CTNND2: variants seen among roughly 807,000 people sequenced by gnomAD.
CTNND2 encodes the protein catenin delta-2.
Under a neutral mutation model 144.4 loss-of-function variants are expected in CTNND2, and 22 were observed. That is an observed-to-expected ratio of 0.15 (90% CI 0.11 to 0.22). CTNND2 has a LOEUF of 0.22. Among genes scored for constraint, CTNND2 ranks in the 10% least tolerant of loss-of-function variants. The probability of loss-of-function intolerance (pLI) is 1.00; values close to 1 mark genes in which losing one functional copy is unlikely to be tolerated. For missense variants in CTNND2, 1,353 were observed against 1,618.8 expected (o/e 0.84, Z 2.82); for synonymous variants, 751 against 695.6 (o/e 1.08, Z -1.25).
chr5:11,017,075 C>A (rs1741686084), intron 18 of CTNND2, among the ~76,000 whole-genome samples: 2 of 152,040 alleles, frequency 1.3e-5, no homozygotes, highest in African/African-American at 4.8e-5. Flanking sequence ...CTGCACATGG[C>A]CTTCTACCCC....
rs1561068323 is a variant in CTNND2, at chr5:11,236,874, ACT to A, written c.1629-53_1629-52del. ...GAATATGAGAGAGAAATCCTACCACACTGTTAACACATGGTTAGCTCGTGTAT... is the reference window on the plus strand; with the variant it reads ...GAATATGAGAGAGAAATCCTACCACAGTTAACACATGGTTAGCTCGTGTAT... On this transcript the variant is annotated intron_variant, in intron 9 of 21. Transcript: ENST00000304623. 3 of 1,591,892 alleles carry A rather than the reference ACT, an allele frequency of 1.9e-6. No homozygotes were observed. The South Asian group carries it at 3.3e-5, about 18-fold the overall frequency.
intron 1 of CTNND2, among the ~76,000 whole-genome samples, chr5:11,795,543 C>T (rs1167154147): frequency 6.6e-6 from 1 of 152,038 alleles, no homozygotes; most frequent in Non-Finnish European, 1.5e-5. Context: ...AGTGAGGAGT[C>T]AGATTCCATC....
chr5:11,589,475 C>T (rs2150141195), intron 2 of CTNND2, among the ~76,000 whole-genome samples: 1 of 152,184 alleles, frequency 6.6e-6, no homozygotes, highest in South Asian at 2.1e-4. Context: ...AGCTGTTCAA[C>T]AAATAAGTTT....
At chr5:11,477,998 G>A (rs1198629461) in intron 3 of CTNND2, among the ~76,000 whole-genome samples, 1 of 152,064 alleles carries the variant, frequency 6.6e-6, no homozygotes, top group Non-Finnish European at 1.5e-5. Context: ...GGGTGGTAGA[G>A]TTTAACCTCA....
rs549168019 is a variant in CTNND2 at position 11,176,772 on chromosome 5, G to A, written c.1976-17013C>T. The stretch of plus-strand genomic sequence containing the variant: ...CTAGCTAAAAATCCAACCATAACCT[G>A]ACTGTGCTCACCCCCTCTGTTTATC... On this transcript the variant is annotated intron_variant, in intron 11 of 21. Transcript: ENST00000304623. Among the ~76,000 whole-genome samples the A allele has an allele frequency of 2.6e-5, 4 of 152,152 alleles. No individual in the cohort carries two copies. In the South Asian group the frequency reaches 6.2e-4, roughly 24 times the overall value.
At chr5:11,060,328 C>T (rs4702785) in intron 16 of CTNND2, among the ~76,000 whole-genome samples, 9,879 of 152,162 alleles carry the variant, frequency 0.065, 536 homozygotes, top group African/African-American at 0.14. Context: ...GAAAACTGAT[C>T]AAGACAGAAT....
At chr5:11,149,170 C>T (rs1314076900) in intron 12 of CTNND2, among the ~76,000 whole-genome samples, 2 of 152,330 alleles carry the variant, frequency 1.3e-5, no homozygotes, top group East Asian at 3.9e-4. Context: ...TTACCTGAAA[C>T]CATTATTTTT....
chr5:11,256,895 T>TTTATGTTATGCATAAATG lies in CTNND2; in HGVS notation c.1629-20073_1629-20072insCATTTATGCATAACATAA, dbSNP rs545378794. Among the ~76,000 whole-genome samples the TTTATGTTATGCATAAATG allele has an allele frequency of 3.7e-3, 559 of 152,268 alleles. 2 individuals are homozygous for TTTATGTTATGCATAAATG. Among genetic ancestry groups the TTTATGTTATGCATAAATG allele is most frequent in the South Asian group, 0.017 (80 of 4,818 alleles). On this transcript the variant is annotated intron_variant, in intron 9 of 21. Coordinates refer to ENST00000304623, the MANE Select transcript of CTNND2 (RefSeq NM_001332.4). ...GGAGGCTGCCCTGCCTTATAACATA[T>TTTATGTTATGCATAAATG]TTATGCAACATGCCTGGCCTCTACC...
Position 11,903,890 on chromosome 5 carries a change from G to A in CTNND2, c.-37C>T. On this transcript the variant is annotated 5_prime_UTR_variant, in exon 1 of 22. Coordinates refer to ENST00000304623, the MANE Select transcript of CTNND2 (RefSeq NM_001332.4). This position sits in a 1 kb window ranked among gnomAD's most constrained non-coding sequence, Gnocchi z 5.4. ...CGGCGACAGCTCCTCAGTCCGGGAA[G>A]AGGCGTGCGCGGCGCCGCCCGGCTT... is the stretch of plus-strand genomic sequence containing the variant. 5 of 1,427,494 alleles carry A rather than the reference G, an allele frequency of 3.5e-6. No individual in the cohort carries two copies. The highest frequency in any genetic ancestry group is 1.5e-5 in the African/African-American group (1 of 66,778). The allele number at this position is 1,427,494 out of a possible 1,614,324, so 88.4% of individuals were successfully genotyped here.
intron 10 of CTNND2, among the ~76,000 whole-genome samples, chr5:11,209,493 TG>T (rs1354314551): frequency 2.0e-5 from 3 of 152,194 alleles, no homozygotes; most frequent in Non-Finnish European, 4.4e-5. Flanking sequence ...CTATAGATCA[TG>T]TACATTCCAA....
intron 2 of CTNND2, among the ~76,000 whole-genome samples, chr5:11,582,679 T>C (rs1042021847): frequency 1.2e-4 from 19 of 152,222 alleles, no homozygotes; most frequent in Admixed American, 1.2e-3. Flanking sequence ...ATAGAAATAT[T>C]CAGTCCTAAT....
Position 11,022,807 on chromosome 5 carries a change from G to A in CTNND2, c.2961C>T (p.Ile987=), listed in dbSNP as rs1263209412. The A allele has an allele frequency of 5.6e-6, 9 of 1,614,020 alleles. No individual in the cohort carries two copies. The highest frequency in any genetic ancestry group is 7.6e-6 in the Non-Finnish European group (9 of 1,180,018). The change falls in exon 17 of 22, where the codon ATC becomes ATT. Residue 987 remains isoleucine (I), a synonymous_variant. Transcript: ENST00000304623. Reference sequence around the variant, plus strand: ...TTTTGGAGATGCCGACCAACTTCTCGATGCCACCGGCATCCCGTAAGGCCT... The same window carrying A: ...TTTTGGAGATGCCGACCAACTTCTCAATGCCACCGGCATCCCGTAAGGCCT... ...NAKALRDAGG[I]EKLVGISKSK...
At chr5:11,561,090 C>T (rs944051847) in intron 3 of CTNND2, among the ~76,000 whole-genome samples, 2 of 152,192 alleles carry the variant, frequency 1.3e-5, no homozygotes, top group Non-Finnish European at 2.9e-5. Flanking sequence ...GGCCTACAGC[C>T]TCAGGAATGG....
At chr5:11,224,122 C>G (rs949491272) in intron 10 of CTNND2, among the ~76,000 whole-genome samples, 5 of 152,156 alleles carry the variant, frequency 3.3e-5, no homozygotes, top group African/African-American at 1.2e-4. Context: ...TATACCTCCA[C>G]GCAGCGGTAT....
intron 10 of CTNND2, among the ~76,000 whole-genome samples, chr5:11,226,601 A>G (rs965824768): frequency 6.6e-6 from 1 of 152,236 alleles, no homozygotes; most frequent in Non-Finnish European, 1.5e-5. Flanking sequence ...GAATTTGTTC[A>G]GGGAAACTCC....
chr5:11,710,241 T>C (rs4425504), intron 2 of CTNND2, among the ~76,000 whole-genome samples: 4,747 of 152,098 alleles, frequency 0.031, 156 homozygotes, highest in African/African-American at 0.081. Context: ...CAGGTGATGG[T>C]TTAAGGAACC....
At chr5:11,794,286 G>A (rs1255857792) in intron 1 of CTNND2, among the ~76,000 whole-genome samples, 1 of 152,142 alleles carries the variant, frequency 6.6e-6, no homozygotes, top group Non-Finnish European at 1.5e-5. Flanking sequence ...ATACATCCAT[G>A]GTAATTATAT....
intron 18 of CTNND2, among the ~76,000 whole-genome samples, chr5:11,012,720 T>C (rs959283404): frequency 1.3e-5 from 2 of 152,230 alleles, no homozygotes; most frequent in Admixed American, 1.3e-4. Context: ...ATGCACTCTT[T>C]GTATTTCACC....
rs778117375 is a variant in CTNND2 at position 11,236,757 on chromosome 5, C to A, written c.1695G>T (p.Ser565=). The change falls in exon 10 of 22, where the codon TCG becomes TCT. Residue 565 remains serine (S), a synonymous_variant. Coordinates refer to ENST00000304623, the MANE Select transcript of CTNND2 (RefSeq NM_001332.4). The part of the protein sequence containing the change: ...VIQMLQHQFP[S]VQSNAAAYLQ... ...AGTAGGCTGCCGCGTTAGACTGGAC[C>A]GAGGGAAACTGGTGCTGCAACATCT... is the stretch of plus-strand genomic sequence containing the variant. 3 of 1,613,982 alleles carry A rather than the reference C, an allele frequency of 1.9e-6. No homozygotes were observed. The highest frequency in any genetic ancestry group is 1.3e-5 in the African/African-American group (1 of 74,898).
Sources: gnomAD v4.1 joint callset for allele counts (sites outside exome capture counted in the v4.1 genomes callset) on GRCh38, gnomAD v4.1.1 for gene constraint, Gnocchi (gnomAD v3.1) non-coding constraint, MANE v1.5 for transcripts, NCBI Gene and HGNC (gene_info 2026-07-23, HGNC 2026-07-21) for gene names.